PODNL1: variants seen among roughly 807,000 people sequenced by gnomAD.
The protein encoded by PODNL1 is podocan like 1.
Under a neutral mutation model 45.1 loss-of-function variants are expected in PODNL1, and 50 were observed. The ratio of observed to expected loss-of-function variants is 1.11; its 90% CI spans 0.88 to 1.40. The LOEUF is 1.40. Among genes scored for constraint, PODNL1 ranks in the 40% most tolerant of loss-of-function variants. PODNL1 has a pLI of 0.00. For synonymous variants in PODNL1, 406 were observed against 372.5 expected (o/e 1.09, Z -1.04); for missense variants, 788 against 793.3 (o/e 0.99, Z 0.08).
rs1972321028 is a variant in PODNL1, at chr19:13,935,979, C to G, written c.384+1G>C. On this transcript the variant is annotated splice_donor_variant, in intron 4 of 9. Transcript: ENST00000588872. LOFTEE classifies it high-confidence loss of function. ...GCCTGCGGGTGGGGCTGGGGGCTCA[C>G]CTTGTTGTGAGCCACGCAGAGGTGC... The G allele has an allele frequency of 6.4e-7, 1 of 1,552,080 alleles. No individual in the cohort carries two copies. The highest frequency in any genetic ancestry group is 8.7e-7 in the Non-Finnish European group (1 of 1,148,402).
intron 1 of PODNL1, among the ~76,000 whole-genome samples, chr19:13,945,935 C>A (rs1030565850): frequency 6.6e-6 from 1 of 150,796 alleles, no homozygotes; most frequent in Non-Finnish European, 1.5e-5. Context: ...GTGGTGCATG[C>A]GTGTAGTTCC....
chr19:13,944,131 G>T (rs1246016267), intron 1 of PODNL1, among the ~76,000 whole-genome samples: 1 of 151,938 alleles, frequency 6.6e-6, no homozygotes. Context: ...TTGTACATCT[G>T]TTTTTGTTTT....
Position 13,934,406 on chromosome 19 carries a change from C to G in PODNL1, c.499G>C (p.Val167Leu). 1 of 1,533,804 alleles carries G rather than the reference C, an allele frequency of 6.5e-7. No individual in the cohort carries two copies. Among genetic ancestry groups the G allele is most frequent in the African/African-American group, 1.4e-5 (1 of 73,478 alleles). ...TFGEKPALRS[V>L]YLHNNQLSNA... ...CTCAGCTGGTTGTTGTGGAGGTACA[C>G]GGACCTGAGGAGAGCCAGGCTCCGG... Residue 167 changes from valine to leucine, a missense_variant, in exon 6 of 10, where the codon GTG becomes CTG. Physicochemically the swap from Val to Leu is conservative, Grantham distance 32. Coordinates refer to ENST00000588872, the MANE Select transcript of PODNL1 (RefSeq NM_001370095.3).
chr19:13,953,138 G>A, exon 1 of PODNL1: 5 of 1,548,292 alleles, frequency 3.2e-6, no homozygotes, highest in African/African-American at 1.4e-5. Context: ...CCTCCCCATT[G>A]AAAGTGTGGG....
At chr19:13,939,855 CA>C (rs1255133509), upstream of PODNL1, 1 of 149,120 alleles carries the variant, frequency 6.7e-6, no homozygotes, top group East Asian at 1.9e-4. Context: ...GGCAACAGAG[CA>C]AAACTCTGTT....
At chr19:13,936,525 T>C (rs1972364548) in intron 2 of PODNL1, 65 bp from the exon 3 acceptor site, 1 of 1,364,894 alleles carries the variant, frequency 7.3e-7, no homozygotes, top group Non-Finnish European at 1.0e-6. Context: ...CAAGCACTGA[T>C]TCTCAACTTC....
Position 13,938,130 on chromosome 19 carries a change from G to T in PODNL1, c.3+49C>A, listed in dbSNP as rs180763870. On this transcript the variant is annotated intron_variant, in intron 1 of 9. Transcript: ENST00000588872. ...AGTGGCCAGTTGGCAGAGCAGGGGT[G>T]GGGGGGCAGGCAGGCCCCACCCTCA... The T allele has an allele frequency of 2.5e-3, 3,906 of 1,548,102 alleles. 30 individuals are homozygous for T. The highest frequency in any genetic ancestry group is 0.016 in the Middle Eastern group (92 of 5,780).
intron 1 of PODNL1, chr19:13,952,460 C>CA: frequency 8.0e-7 from 1 of 1,245,736 alleles, no homozygotes; most frequent in Non-Finnish European, 1.0e-6. Context: ...GAGGAGGCGG[C>CA]AGGGGTGGGG....
At chr19:13,934,631 G>T (rs1356248838) in intron 5 of PODNL1, among the ~76,000 whole-genome samples, 1 of 150,044 alleles carries the variant, frequency 6.7e-6, no homozygotes, top group Admixed American at 6.6e-5. Flanking sequence ...ATGAATAGAC[G>T]TGTGTGCATG....
chr19:13,938,071 A>T, intron 1 of PODNL1, 65 bp from the exon 2 acceptor site: 2 of 1,456,774 alleles, frequency 1.4e-6, no homozygotes, highest in Admixed American at 4.3e-5. Context: ...TGACTGGAGC[A>T]TCCCCTCCTC....
intron 8 of PODNL1, chr19:13,932,559 G>C (rs1377315865): frequency 3.7e-6 from 4 of 1,078,694 alleles, no homozygotes; most frequent in Non-Finnish European, 5.3e-6. Context: ...GTCTTGCTGT[G>C]TTGCCAGGCT....
At chr19:13,934,701 T>G (rs1479088872) in intron 5 of PODNL1, among the ~76,000 whole-genome samples, 1 of 151,556 alleles carries the variant, frequency 6.6e-6, no homozygotes, top group East Asian at 1.9e-4. Flanking sequence ...TGTGCACGTG[T>G]GTATGTGATT....
chr19:13,940,299 C>T (rs150561912), upstream of PODNL1, among the ~76,000 whole-genome samples: 11,641 of 151,794 alleles, frequency 0.077, 605 homozygotes, highest in Non-Finnish European at 0.12. Flanking sequence ...GGGCCAGGCG[C>T]GGTGGCTCAC....
chr19:13,936,571 C>T lies in PODNL1; in HGVS notation c.226-111G>A, dbSNP rs547174445. 39 of 789,572 alleles carry T rather than the reference C, an allele frequency of 4.9e-5. No homozygotes were observed. In the South Asian group the frequency reaches 6.1e-4, roughly 12 times the overall value. The allele number at this position is 789,572 out of a possible 1,614,324, so 48.9% of individuals were successfully genotyped here. Reference sequence around the variant, plus strand: ...AAACCAGCCCCATACCATCATCACCCCCACAGTTAATCCCAAACACCCCAT... The same window carrying T: ...AAACCAGCCCCATACCATCATCACCTCCACAGTTAATCCCAAACACCCCAT... On this transcript the variant is annotated intron_variant, in intron 2 of 9. Transcript: ENST00000588872.
chr19:13,937,756 A>G lies in PODNL1; in HGVS notation c.225+29T>C, dbSNP rs529522443. On this transcript the variant is annotated intron_variant, in intron 2 of 9. Transcript: ENST00000588872. ...CCTCACCACTGGGTCTCAGCCCTGCATGCCCCCACTCCCCTCCGTGGGCCC... is the reference window on the plus strand; with the variant it reads ...CCTCACCACTGGGTCTCAGCCCTGCGTGCCCCCACTCCCCTCCGTGGGCCC... 63 of 1,550,040 alleles carry G rather than the reference A, an allele frequency of 4.1e-5. No individual in the cohort carries two copies. The East Asian group carries it at 1.4e-3, about 35-fold the overall frequency.
chr19:13,952,627 C>G, intron 1 of PODNL1: 1 of 1,269,604 alleles, frequency 7.9e-7, no homozygotes, highest in East Asian at 3.1e-5. Context: ...CGTCCTCAAG[C>G]AGCTGGAGCG....
upstream of PODNL1, chr19:13,939,954 A>T (rs1305042973): frequency 6.6e-6 from 1 of 152,018 alleles, no homozygotes; most frequent in Non-Finnish European, 1.5e-5. Context: ...GGCAGGAGGA[A>T]CACTTGAGCC....
chr19:13,939,253 CT>C (rs1288464879), upstream of PODNL1, among the ~76,000 whole-genome samples: 3 of 152,180 alleles, frequency 2.0e-5, no homozygotes, highest in African/African-American at 7.2e-5. Context: ...ACTCTGTCGC[CT>C]AGGCTGGAGG....
At chr19:13,935,228 C>A (rs1299266544) in intron 5 of PODNL1, among the ~76,000 whole-genome samples, 1 of 152,126 alleles carries the variant, frequency 6.6e-6, no homozygotes, top group East Asian at 1.9e-4. Flanking sequence ...TGTCTCCCCG[C>A]TCACTCTCCT....
Sources: allele counts gnomAD v4.1 joint callset (sites outside exome capture counted in the v4.1 genomes callset), GRCh38; gene constraint gnomAD v4.1.1; transcripts MANE v1.5; gene names NCBI Gene and HGNC (gene_info 2026-07-23, HGNC 2026-07-21).